Variants in CTNNA2 observed in about 807,000 individuals in gnomAD.
CTNNA2 encodes the protein catenin alpha 2, also known as catenin alpha-2.
CTNNA2 carries 42 observed loss-of-function variants against 101.0 expected under a neutral mutation model. The observed-to-expected ratio is 0.42, with a 90% CI of 0.32 to 0.54. The LOEUF (loss-of-function observed/expected upper bound fraction) is 0.54. Among genes scored for constraint, CTNNA2 ranks in the 20% least tolerant of loss-of-function variants. The pLI, the probability that CTNNA2 is intolerant of heterozygous loss-of-function variation, is 0.14. For synonymous variants in CTNNA2, 450 were observed against 456.4 expected, an observed-to-expected ratio of 0.99 and a Z score of 0.18; for missense variants, 871 against 1,223.1, an observed-to-expected ratio of 0.71 and a Z score of 4.29.
intron 7 of CTNNA2, among the ~76,000 whole-genome samples, chr2:80,315,883 G>A (rs1291970046): frequency 2.0e-5 from 3 of 152,106 alleles, no homozygotes; most frequent in African/African-American, 7.2e-5. Flanking sequence ...TAAACACTGA[G>A]GACCAGCAGT....
At chr2:79,689,126 G>C (rs1684124168) in intron 2 of CTNNA2, among the ~76,000 whole-genome samples, 1 of 151,586 alleles carries the variant, frequency 6.6e-6, no homozygotes, top group African/African-American at 2.4e-5. Flanking sequence ...TCTCCAAATT[G>C]TCTTATTTGG....
chr2:80,152,450 C>G (rs550874909), intron 7 of CTNNA2, among the ~76,000 whole-genome samples: 3 of 151,976 alleles, frequency 2.0e-5, no homozygotes, highest in Non-Finnish European at 4.4e-5. Flanking sequence ...TCATTATAAT[C>G]ACATTAACCT....
At chr2:79,715,787 A>G (rs1686057322) in intron 2 of CTNNA2, among the ~76,000 whole-genome samples, 1 of 152,168 alleles carries the variant, frequency 6.6e-6, no homozygotes, top group South Asian at 2.1e-4. Flanking sequence ...TTGCTAACCC[A>G]CTGAATGCCC....
At chr2:80,247,816 A>C (rs981323252) in intron 7 of CTNNA2, among the ~76,000 whole-genome samples, 2 of 152,182 alleles carry the variant, frequency 1.3e-5, no homozygotes, top group African/African-American at 4.8e-5. Flanking sequence ...GGATTTAATA[A>C]GGCCTGAAGT....
chr2:80,642,201 G>A (rs1187968267), intron 18 of CTNNA2, among the ~76,000 whole-genome samples: 1 of 152,122 alleles, frequency 6.6e-6, no homozygotes, highest in Non-Finnish European at 1.5e-5. Context: ...CCTCGTCACT[G>A]TTAACCATTC....
chr2:80,294,112 G>A (rs935069887), intron 7 of CTNNA2, among the ~76,000 whole-genome samples: 5 of 152,114 alleles, frequency 3.3e-5, no homozygotes, highest in African/African-American at 4.8e-5. Context: ...AGGTGGTAGC[G>A]GGAGAAGGAC....
intron 9 of CTNNA2, among the ~76,000 whole-genome samples, chr2:80,537,037 A>G (rs1228577559): frequency 2.6e-5 from 4 of 152,208 alleles, no homozygotes; most frequent in Non-Finnish European, 4.4e-5. Context: ...TAAGCCCCAC[A>G]TGCATTAGGT....
At chr2:80,445,494 G>A (rs1682995596) in intron 9 of CTNNA2, among the ~76,000 whole-genome samples, 2 of 152,132 alleles carry the variant, frequency 1.3e-5, no homozygotes, top group Admixed American at 6.5e-5. Context: ...TTATTTGCAA[G>A]CTTAATATTG....
chr2:79,194,541 C>T (rs1004710987), intron 1 of CTNNA2, among the ~76,000 whole-genome samples: 6 of 152,144 alleles, frequency 3.9e-5, no homozygotes, highest in African/African-American at 1.2e-4. Flanking sequence ...GGTTTCAGGA[C>T]ACTTTATTAA....
intron 7 of CTNNA2, among the ~76,000 whole-genome samples, chr2:79,947,192 TTTA>T (rs1286685132): frequency 1.3e-5 from 2 of 152,222 alleles, no homozygotes; most frequent in East Asian, 3.9e-4. Context: ...CAGGAAAACA[TTTA>T]TTATCAATTT....
intron 9 of CTNNA2, among the ~76,000 whole-genome samples, chr2:80,528,209 G>T (rs2149588795): frequency 6.6e-6 from 1 of 152,204 alleles, no homozygotes; most frequent in Non-Finnish European, 1.5e-5. Context: ...TTGTTCGTTT[G>T]TTTTGAGATG....
chr2:80,486,620 A>G (rs1686605727), intron 9 of CTNNA2, among the ~76,000 whole-genome samples: 1 of 152,158 alleles, frequency 6.6e-6, no homozygotes, highest in Non-Finnish European at 1.5e-5. Context: ...ATATACTTAC[A>G]TTCTATTAAT....
At chr2:80,589,626 C>T in intron 15 of CTNNA2, 141 bp downstream of exon 15, 3 of 726,438 alleles carry the variant, frequency 4.1e-6, no homozygotes, top group Non-Finnish European at 4.4e-6. Context: ...ATGTATAAGT[C>T]AAAATGATCT....
At chr2:79,628,696 A>G (rs1319505422) in intron 1 of CTNNA2, among the ~76,000 whole-genome samples, 2 of 152,134 alleles carry the variant, frequency 1.3e-5, no homozygotes, top group Non-Finnish European at 2.9e-5. Flanking sequence ...ATTTTTCCTT[A>G]ATGGAATTTT....
At chr2:79,897,661 A>G (rs1205655947) in intron 6 of CTNNA2, among the ~76,000 whole-genome samples, 1 of 152,224 alleles carries the variant, frequency 6.6e-6, no homozygotes, top group African/African-American at 2.4e-5. Flanking sequence ...AAGGAATTGG[A>G]GCCAGGTTTC....
intron 1 of CTNNA2, among the ~76,000 whole-genome samples, chr2:79,521,719 A>G (rs1672130814): frequency 1.3e-5 from 2 of 152,190 alleles, no homozygotes; most frequent in Non-Finnish European, 2.9e-5. Context: ...CCTTGTTCTC[A>G]GGTTTTGGCA....
rs559943640 is a variant in CTNNA2, at chr2:80,294,730, G to A, written c.1057-98481G>A. ...AATCTGTTGAGGGTGGGGTCCAGGA[G>A]TCAGTATTTATTGAGGCTCCCAAGT... On this transcript the variant is annotated intron_variant, in intron 7 of 18. Coordinates refer to ENST00000402739, the MANE Select transcript of CTNNA2 (RefSeq NM_001282597.3). 3.3e-5 allele frequency among the ~76,000 whole-genome samples: 5 copies of A among 152,304 alleles called. No homozygotes were observed. In the South Asian group the frequency reaches 1.0e-3, roughly 32 times the overall value.
chr2:79,214,851 G>A (rs912421667), intron 2 of CTNNA2, among the ~76,000 whole-genome samples: 1 of 151,918 alleles, frequency 6.6e-6, no homozygotes, highest in African/African-American at 2.4e-5. Context: ...TGTCTAAGTT[G>A]GCACCAGAGT....
intron 2 of CTNNA2, among the ~76,000 whole-genome samples, chr2:79,211,613 A>T (rs758233001): frequency 2.0e-5 from 3 of 152,108 alleles, no homozygotes; most frequent in Admixed American, 1.3e-4. Flanking sequence ...TTCAGAAGAT[A>T]ATGTCATCAG....
Sources: gnomAD v4.1 joint callset for allele counts (sites outside exome capture counted in the v4.1 genomes callset) on GRCh38, gnomAD v4.1.1 for gene constraint, MANE v1.5 for transcripts, NCBI Gene and HGNC (gene_info 2026-07-23, HGNC 2026-07-21) for gene names.